Variants in ZNF69 observed in about 807,000 individuals in gnomAD.
The protein encoded by ZNF69 is zinc finger protein 69, also known as ZNF3.
ZNF69 carries 47 observed loss-of-function variants against 50.9 expected under a neutral mutation model. That is an observed-to-expected ratio of 0.92 (90% CI 0.73 to 1.18). The LOEUF (loss-of-function observed/expected upper bound fraction) is 1.18, where lower values mean the gene tolerates loss of function less well. Ranked by LOEUF, ZNF69 falls within the 50% of genes most tolerant of loss-of-function variation. The pLI is 0.00. For synonymous variants in ZNF69, 216 were observed against 223.1 expected, an observed-to-expected ratio of 0.97 and a Z score of 0.29; for missense variants, 717 against 675.1, an observed-to-expected ratio of 1.06 and a Z score of -0.69.
the ZNF69 span, chr19:11,965,286 AC>A: frequency 6.2e-7 from 1 of 1,602,836 alleles, no homozygotes; most frequent in South Asian, 1.1e-5. Flanking sequence ...CTGCGGCGGG[AC>A]CCGGGCCTCC....
At position 11,906,058 on chromosome 19, in the gene ZNF69, G is replaced by A. The variant is rs754541551; in HGVS notation, c.1661G>A (p.Arg554Lys). 7.4e-6 allele frequency: 12 copies of A among 1,613,012 alleles called. No homozygotes were observed. The Admixed American group carries it at 1.7e-4, about 23-fold the overall frequency. The change falls in exon 4 of 4, where the codon AGG (arginine) becomes AAG (lysine). Residue 554 changes from arginine to lysine, a missense_variant. By Grantham distance (26) the Arg-to-Lys change is conservative. Coordinates refer to ENST00000429654, the MANE Select transcript of ZNF69 (RefSeq NM_001364730.1). ...GCCTCAGTCCTTCGAATGCATGGTAGGACTCACCCTGAAGATAAACCCTAT... is the reference window on the plus strand; with the variant it reads ...GCCTCAGTCCTTCGAATGCATGGTAAGACTCACCCTGAAGATAAACCCTAT... ...RAASVLRMHG[R>K]THPEDKPYEC...
chr19:11,903,512 G>T, intron 1 of ZNF69, 61 bp from the exon 2 acceptor site: 1 of 1,606,988 alleles, frequency 6.2e-7, no homozygotes, highest in South Asian at 1.1e-5. Flanking sequence ...TGAGAATAGA[G>T]TCTAGGCCCC....
rs1324634706 is a variant in ZNF69, at chr19:11,905,185, T to A, written c.788T>A (p.Leu263His). The change falls in exon 4 of 4, where the codon CTT becomes CAT. Residue 263 changes from leucine (L) to histidine (H), a missense_variant. Physicochemically the swap from Leu to His is moderately conservative, Grantham distance 99. Coordinates refer to ENST00000429654, the MANE Select transcript of ZNF69 (RefSeq NM_001364730.1). ...AAATCCTTTAGTTATTCTGCTACCC[T>A]TCGAATACACGAAAGAACTCACACT... is the stretch of plus-strand genomic sequence containing the variant. ...CGKSFSYSAT[L>H]RIHERTHTGE... 3.1e-6 allele frequency: 5 copies of A among 1,614,130 alleles called. No individual in the cohort carries two copies. The highest frequency in any genetic ancestry group is 4.2e-6 in the Non-Finnish European group (5 of 1,180,022).
chr19:11,903,456 AAG>A, intron 1 of ZNF69, 115 bp from the exon 2 acceptor site: 1 of 1,493,332 alleles, frequency 6.7e-7, no homozygotes, highest in Non-Finnish European at 9.0e-7. Context: ...CACAGGGAGA[AAG>A]AGATCTGATG....
chr19:11,969,771 A>G, the ZNF69 span, among the ~76,000 whole-genome samples: 1 of 152,210 alleles, frequency 6.6e-6, no homozygotes, highest in African/African-American at 2.4e-5. Flanking sequence ...GAAAGCAGAG[A>G]ATAACCACTA....
the ZNF69 span, among the ~76,000 whole-genome samples, chr19:11,920,837 C>T: frequency 6.6e-6 from 1 of 152,182 alleles, no homozygotes; most frequent in African/African-American, 2.4e-5. Context: ...AGAACTTGTT[C>T]AATTCAAGAG....
At chr19:11,953,572 G>A in the ZNF69 span, among the ~76,000 whole-genome samples, 2 of 152,168 alleles carry the variant, frequency 1.3e-5, no homozygotes, top group African/African-American at 4.8e-5. Flanking sequence ...CCACACACTC[G>A]TGGTTTATTC....
At chr19:11,942,031 T>A in the ZNF69 span, among the ~76,000 whole-genome samples, 2 of 152,054 alleles carry the variant, frequency 1.3e-5, no homozygotes, top group Non-Finnish European at 2.9e-5. Context: ...GCACTTAGGG[T>A]GCCAGGTTTT....
At chr19:11,949,983 C>A in the ZNF69 span, 1 of 1,613,142 alleles carries the variant, frequency 6.2e-7, no homozygotes, top group Non-Finnish European at 8.5e-7. Context: ...GTAAGGAATG[C>A]GAAAAAGCAT....
At chr19:11,938,583 C>T in the ZNF69 span, among the ~76,000 whole-genome samples, 1 of 152,198 alleles carries the variant, frequency 6.6e-6, no homozygotes, top group Non-Finnish European at 1.5e-5. Context: ...TTTGTGGCTG[C>T]ATAGTATTCC....
the ZNF69 span, among the ~76,000 whole-genome samples, chr19:11,974,092 T>A: frequency 1.2e-4 from 11 of 88,808 alleles, no homozygotes; most frequent in African/African-American, 4.6e-4. Flanking sequence ...TTTCTTTCTT[T>A]CTTTCTTTCT....
chr19:11,978,130 G>T, the ZNF69 span: 10 of 1,612,912 alleles, frequency 6.2e-6, no homozygotes, highest in Non-Finnish European at 8.5e-6. Context: ...CTCATAGAAG[G>T]GAATGTCAAT....
chr19:11,941,295 G>T, the ZNF69 span, among the ~76,000 whole-genome samples: 2 of 152,240 alleles, frequency 1.3e-5, no homozygotes, highest in African/African-American at 4.8e-5. Context: ...CCATGCGCCC[G>T]CACTCCTCAG....
chr19:11,900,076 C>T (rs1427402124), intron 1 of ZNF69, among the ~76,000 whole-genome samples: 2 of 152,080 alleles, frequency 1.3e-5, no homozygotes, highest in Non-Finnish European at 2.9e-5. Context: ...GACTCAGACT[C>T]CCAATTAACT....
downstream of ZNF69, among the ~76,000 whole-genome samples, chr19:11,906,823 A>G (rs1034614476): frequency 1.3e-5 from 2 of 152,248 alleles, no homozygotes; most frequent in African/African-American, 4.8e-5. Flanking sequence ...CTGGACTTTG[A>G]CTTTGACGAG....
chr19:11,968,745 C>T, the ZNF69 span, among the ~76,000 whole-genome samples: 2 of 152,130 alleles, frequency 1.3e-5, no homozygotes, highest in African/African-American at 4.8e-5. Flanking sequence ...AGGGGCCTGG[C>T]GGGATGGCTC....
chr19:11,907,714 A>G (rs1972399964), downstream of ZNF69, among the ~76,000 whole-genome samples: 1 of 152,246 alleles, frequency 6.6e-6, no homozygotes, highest in Non-Finnish European at 1.5e-5. Context: ...GCCACTGCAA[A>G]AACATGCCAA....
chr19:11,962,115 A>G, the ZNF69 span, among the ~76,000 whole-genome samples: 1 of 152,096 alleles, frequency 6.6e-6, no homozygotes, highest in African/African-American at 2.4e-5. Flanking sequence ...TGCTCGGCCA[A>G]ATGAACGAAA....
chr19:11,900,700 G>A (rs145159467), intron 1 of ZNF69, among the ~76,000 whole-genome samples: 147 of 152,220 alleles, frequency 9.7e-4, no homozygotes, highest in Non-Finnish European at 1.8e-3. Flanking sequence ...AATTTTAGGA[G>A]TTCTTTATAC....
Sources: gnomAD v4.1 joint callset for allele counts (sites outside exome capture counted in the v4.1 genomes callset) on GRCh38, gnomAD v4.1.1 for gene constraint, MANE v1.5 for transcripts, NCBI Gene and HGNC (gene_info 2026-07-23, HGNC 2026-07-21) for gene names.